Variants in ALDH1L2 observed in about 807,000 individuals in gnomAD.
ALDH1L2 encodes aldehyde dehydrogenase 1 family member L2, also known as mitochondrial 10-formyltetrahydrofolate dehydrogenase.
In ALDH1L2, 91 loss-of-function variants were observed where a neutral mutation model predicts 111.0. The ratio of observed to expected loss-of-function variants is 0.82; its 90% CI spans 0.69 to 0.98. ALDH1L2 has a LOEUF of 0.98. Ranked by LOEUF, ALDH1L2 falls within the 50% of genes least tolerant of loss-of-function variation. The probability of loss-of-function intolerance (pLI) is 0.00; values close to 1 mark genes in which losing one functional copy is unlikely to be tolerated. For synonymous variants in ALDH1L2, 374 were observed against 392.6 expected, an observed-to-expected ratio of 0.95 and a Z score of 0.56; for missense variants, 995 against 1,126.8, an observed-to-expected ratio of 0.88 and a Z score of 1.67.
chr12:105,055,274 G>A (rs906197620), intron 10 of ALDH1L2, among the ~76,000 whole-genome samples: 3 of 152,276 alleles, frequency 2.0e-5, no homozygotes, highest in Non-Finnish European at 4.4e-5. Flanking sequence ...TTGGCTCAAG[G>A]TGTCTAAGAA....
intron 10 of ALDH1L2, among the ~76,000 whole-genome samples, chr12:105,053,752 A>G (rs1041235446): frequency 6.6e-6 from 1 of 152,116 alleles, no homozygotes; most frequent in African/African-American, 2.4e-5. Context: ...GTCTGCAAAC[A>G]GTCCACTTTT....
intron 6 of ALDH1L2, 93 bp from the exon 7 acceptor site, chr12:105,063,115 T>G: frequency 7.5e-7 from 1 of 1,334,690 alleles, no homozygotes; most frequent in Non-Finnish European, 1.0e-6. Flanking sequence ...AACGCTGAAG[T>G]TCATATTATC....
chr12:105,052,778 C>G, intron 11 of ALDH1L2, 34 bp downstream of exon 11: 1 of 1,611,240 alleles, frequency 6.2e-7, no homozygotes, highest in South Asian at 1.1e-5. Context: ...AATCCATGAC[C>G]AGTGATCACT....
chr12:105,023,950 A>G lies in ALDH1L2; in HGVS notation c.*474T>C, dbSNP rs925369152. 1 of 156,416 alleles carries G rather than the reference A, an allele frequency of 6.4e-6. No homozygotes were observed. The highest frequency in any genetic ancestry group is 6.2e-5 in the Admixed American group (1 of 16,048). The allele number at this position is 156,416 out of a possible 1,614,324, so 9.7% of individuals were successfully genotyped here. A position where few individuals can be genotyped will look rare whatever the true frequency, so the allele number is the denominator to read the frequency against. On this transcript the variant is annotated 3_prime_UTR_variant, in exon 23 of 23. Coordinates refer to ENST00000258494, the MANE Select transcript of ALDH1L2 (RefSeq NM_001034173.4). ...ACAAAGATGTATCTTATTTCCAAAT[A>G]CTAAAAAAGAACTACCTTCACATTC...
chr12:105,056,908 A>T (rs566785554), intron 10 of ALDH1L2, among the ~76,000 whole-genome samples: 1 of 151,836 alleles, frequency 6.6e-6, no homozygotes, highest in South Asian at 2.1e-4. Context: ...AAAAGAACAT[A>T]GATAAATTAG....
At chr12:105,036,018 ATT>A (rs1491110582) in intron 18 of ALDH1L2, among the ~76,000 whole-genome samples, 3 of 111,984 alleles carry the variant, frequency 2.7e-5, no homozygotes, top group Non-Finnish European at 4.9e-5. Context: ...GTGTATATAT[ATT>A]ATATATATAC....
rs867767948 is a variant in ALDH1L2, at chr12:105,020,414, C to G, written c.*4010G>C. ...ACCACCAGATGCATTGCTTGAAAACCTGTTCTGCCACTTAATAGCTGTGTG... is the reference window on the plus strand; with the variant it reads ...ACCACCAGATGCATTGCTTGAAAACGTGTTCTGCCACTTAATAGCTGTGTG... On this transcript the variant is annotated 3_prime_UTR_variant, in exon 23 of 23. Coordinates refer to ENST00000258494, the MANE Select transcript of ALDH1L2 (RefSeq NM_001034173.4). 6.6e-6 allele frequency: 1 copy of G among 152,218 alleles called. No individual in the cohort carries two copies. The highest frequency in any genetic ancestry group is 2.4e-5 in the African/African-American group (1 of 41,452). 9.4% of individuals were successfully genotyped at this position (152,218 alleles called of 1,614,324 possible).
intron 15 of ALDH1L2, among the ~76,000 whole-genome samples, chr12:105,041,355 T>G (rs1326333553): frequency 6.6e-6 from 1 of 152,248 alleles, no homozygotes; most frequent in Non-Finnish European, 1.5e-5. Context: ...TTTGCATGGT[T>G]AGATTCAAGT....
chr12:105,064,414 G>A (rs888286860), intron 6 of ALDH1L2, among the ~76,000 whole-genome samples: 10 of 152,186 alleles, frequency 6.6e-5, no homozygotes, highest in African/African-American at 1.7e-4. Flanking sequence ...TTTCATAGAA[G>A]CATTCTGGCT....
At chr12:105,028,849 C>T (rs1874549544) in intron 21 of ALDH1L2, among the ~76,000 whole-genome samples, 1 of 152,144 alleles carries the variant, frequency 6.6e-6, no homozygotes, top group African/African-American at 2.4e-5. Flanking sequence ...TAAGGAGGTA[C>T]ACATTGTTAC....
intron 1 of ALDH1L2, 49 bp from the exon 2 acceptor site, chr12:105,074,054 G>A (rs781778375): frequency 3.1e-6 from 5 of 1,608,454 alleles, no homozygotes; most frequent in Admixed American, 3.3e-5. Flanking sequence ...AGAAGACACT[G>A]GATGAGGGTG....
chr12:105,051,410 A>C (rs1876255909), intron 12 of ALDH1L2, among the ~76,000 whole-genome samples: 1 of 152,270 alleles, frequency 6.6e-6, no homozygotes, highest in African/African-American at 2.4e-5. Flanking sequence ...CCTCCACTGC[A>C]GTGTGGTTTT....
intron 4 of ALDH1L2, among the ~76,000 whole-genome samples, chr12:105,068,347 T>A (rs757379417): frequency 6.6e-6 from 1 of 152,176 alleles, no homozygotes; most frequent in Non-Finnish European, 1.5e-5. Context: ...AGAGGCTAAT[T>A]TAAAGTACTT....
At chr12:105,083,621 A>T (rs867881115) in intron 1 of ALDH1L2, among the ~76,000 whole-genome samples, 31 of 138,030 alleles carry the variant, frequency 2.2e-4, no homozygotes, top group South Asian at 4.6e-4. Flanking sequence ...GACAGTTTTT[A>T]TTTTTTTTTT....
intron 1 of ALDH1L2, among the ~76,000 whole-genome samples, chr12:105,079,805 T>G (rs1878250942): frequency 6.6e-6 from 1 of 152,160 alleles, no homozygotes; most frequent in Admixed American, 6.5e-5. Context: ...CCCTTCTCAC[T>G]CCCCAGAGGA....
Position 105,031,892 on chromosome 12 carries a change from T to C in ALDH1L2, c.2287A>G (p.Arg763Gly), listed in dbSNP as rs145247876. 1.2e-6 allele frequency: 2 copies of C among 1,614,068 alleles called. No homozygotes were observed. Among genetic ancestry groups the C allele is most frequent in the African/African-American group, 1.3e-5 (1 of 74,924 alleles). ...TTTTGGGGCCCATGATCAGTGGATC[T>C]GTCAAGTGGATCACCAATTTTCATC... ...KKMKIGDPLD[R>G]STDHGPQNHK... is the part of the protein sequence containing the mutation. Residue 763 changes from arginine to glycine, a missense_variant, in exon 20 of 23, where the codon AGA becomes GGA. Arg to Gly is a moderately radical substitution (Grantham distance 125). Coordinates refer to ENST00000258494, the MANE Select transcript of ALDH1L2 (RefSeq NM_001034173.4).
intron 10 of ALDH1L2, 37 bp from the exon 11 acceptor site, chr12:105,052,968 G>A (rs1253493400): frequency 4.4e-6 from 7 of 1,606,764 alleles, no homozygotes; most frequent in East Asian, 2.2e-5. Flanking sequence ...ATGGATTTCC[G>A]TGTTTACCAA....
chr12:105,027,963 A>G (rs1352133894), intron 21 of ALDH1L2, among the ~76,000 whole-genome samples: 2 of 152,216 alleles, frequency 1.3e-5, no homozygotes, highest in African/African-American at 4.8e-5. Flanking sequence ...ACATCCAAGC[A>G]GGTGAAGACA....
Position 105,061,121 on chromosome 12 carries a change from T to G in ALDH1L2, c.1048-49A>C, listed in dbSNP as rs533464861. 2.5e-5 allele frequency: 37 copies of G among 1,488,792 alleles called. No homozygotes were observed. In the South Asian group the frequency reaches 3.7e-4, roughly 15 times the overall value. The allele number at this position is 1,488,792 out of a possible 1,614,324, so 92.2% of individuals were successfully genotyped here. On this transcript the variant is annotated intron_variant, in intron 8 of 22. Coordinates refer to ENST00000258494, the MANE Select transcript of ALDH1L2 (RefSeq NM_001034173.4). ...GAGGGAAGTGCCACGTAGAACAATG[T>G]GGCAGAGACTGGGCTAGCTCTTCAC...
Sources: allele counts gnomAD v4.1 joint callset (sites outside exome capture counted in the v4.1 genomes callset), GRCh38; gene constraint gnomAD v4.1.1; transcripts MANE v1.5; gene names NCBI Gene and HGNC (gene_info 2026-07-23, HGNC 2026-07-21).